Variants in SOX6 observed in about 807,000 individuals in gnomAD.
SOX6 encodes SRY-box transcription factor 6.
SOX6 carries 11 observed loss-of-function variants against 97.8 expected under a neutral mutation model. That is an observed-to-expected ratio of 0.11 (90% CI 0.07 to 0.19). SOX6 has a LOEUF of 0.19. SOX6 is among the 10% of genes least tolerant of loss of function. The pLI is 1.00. For synonymous variants in SOX6, 360 were observed against 371.4 expected, an observed-to-expected ratio of 0.97 and a Z score of 0.35; for missense variants, 810 against 1,039.5, an observed-to-expected ratio of 0.78 and a Z score of 3.04.
chr11:16,449,866 C>A (rs1307900031), intron 1 of SOX6, among the ~76,000 whole-genome samples: 1 of 152,142 alleles, frequency 6.6e-6, no homozygotes, highest in Non-Finnish European at 1.5e-5. Context: ...ACCAAAAATT[C>A]ATCAGAATAA....
At chr11:15,975,705 T>C (rs1012974840) in intron 15 of SOX6, among the ~76,000 whole-genome samples, 2 of 152,148 alleles carry the variant, frequency 1.3e-5, no homozygotes, top group Non-Finnish European at 2.9e-5. Context: ...CAATTAAGTT[T>C]CAGAAAATTC....
intron 3 of SOX6, among the ~76,000 whole-genome samples, chr11:16,689,533 C>T (rs1283636848): frequency 1.3e-5 from 2 of 152,238 alleles, no homozygotes; most frequent in Non-Finnish European, 1.5e-5. Context: ...AAGGTAGACC[C>T]GATGCCTACT....
intron 3 of SOX6, among the ~76,000 whole-genome samples, chr11:16,681,554 A>G (rs543686834): frequency 2.3e-4 from 35 of 152,334 alleles, no homozygotes; most frequent in Non-Finnish European, 4.3e-4. Flanking sequence ...AAAGACCTAG[A>G]GAAGCAAGAG....
At chr11:16,078,233 G>A (rs887567154) in intron 9 of SOX6, among the ~76,000 whole-genome samples, 1 of 152,070 alleles carries the variant, frequency 6.6e-6, no homozygotes, top group African/African-American at 2.4e-5. Flanking sequence ...CAAGTGGTAC[G>A]GCTTATATTT....
chr11:16,512,841 A>T (rs1452135334), intron 4 of SOX6, among the ~76,000 whole-genome samples: 1 of 152,234 alleles, frequency 6.6e-6, no homozygotes, highest in African/African-American at 2.4e-5. Flanking sequence ...AAAGGAAAAT[A>T]ACAAAACTAT....
At chr11:16,345,351 C>T (rs970150550) in intron 1 of SOX6, among the ~76,000 whole-genome samples, 9 of 152,058 alleles carry the variant, frequency 5.9e-5, no homozygotes, top group Non-Finnish European at 1.2e-4. Context: ...AAATTCCCAT[C>T]ATATGTTCCC....
chr11:16,558,348 T>G (rs1054665841), intron 4 of SOX6, among the ~76,000 whole-genome samples: 2 of 152,010 alleles, frequency 1.3e-5, no homozygotes, highest in Non-Finnish European at 2.9e-5. Flanking sequence ...CTGCTAAATA[T>G]TCTCCAGAAA....
At chr11:16,029,896 T>C (rs970848054) in intron 12 of SOX6, among the ~76,000 whole-genome samples, 2 of 152,164 alleles carry the variant, frequency 1.3e-5, no homozygotes, top group Non-Finnish European at 2.9e-5. Context: ...CTACTGCATA[T>C]ATTTGACACA....
intron 7 of SOX6, among the ~76,000 whole-genome samples, chr11:16,100,772 A>G (rs1848924762): frequency 6.6e-6 from 1 of 151,470 alleles, no homozygotes; most frequent in Non-Finnish European, 1.5e-5. Context: ...AAAAAAGCCA[A>G]AAATCCCATG....
chr11:16,158,616 G>A (rs1241501089), intron 6 of SOX6, among the ~76,000 whole-genome samples: 1 of 151,882 alleles, frequency 6.6e-6, no homozygotes, highest in Non-Finnish European at 1.5e-5. Context: ...GAAATTGTAG[G>A]CAAGGCTTCC....
At chr11:16,687,105 A>G (rs570699493) in intron 3 of SOX6, among the ~76,000 whole-genome samples, 117 of 152,236 alleles carry the variant, frequency 7.7e-4, no homozygotes, top group Admixed American at 2.0e-3. Context: ...AGCCTGGACA[A>G]CAGAAGAAGA....
chr11:16,132,342 GA>G (rs1295496459), intron 6 of SOX6, among the ~76,000 whole-genome samples: 1 of 21,224 alleles, frequency 4.7e-5, no homozygotes, highest in Non-Finnish European at 8.2e-5. Flanking sequence ...AAAGAAAAAA[GA>G]AAGAAAGAAA....
intron 3 of SOX6, among the ~76,000 whole-genome samples, chr11:16,303,472 T>C (rs1339172544): frequency 4.6e-5 from 7 of 152,242 alleles, no homozygotes; most frequent in Non-Finnish European, 8.8e-5. Flanking sequence ...TCCATTGATA[T>C]ATGTGACTAT....
intron 3 of SOX6, among the ~76,000 whole-genome samples, chr11:16,648,400 T>A (rs1292947645): frequency 6.6e-6 from 1 of 151,872 alleles, no homozygotes; most frequent in Non-Finnish European, 1.5e-5. Context: ...CACCTGATGG[T>A]ATTTCCCTAC....
intron 1 of SOX6, among the ~76,000 whole-genome samples, chr11:16,411,116 T>A (rs1858802171): frequency 6.6e-6 from 1 of 152,080 alleles, no homozygotes; most frequent in Admixed American, 6.6e-5. Context: ...GGTTGCAAAT[T>A]TGGGGTCATC....
intron 3 of SOX6, among the ~76,000 whole-genome samples, chr11:16,612,610 A>G (rs530658444): frequency 2.6e-5 from 4 of 151,986 alleles, no homozygotes; most frequent in Non-Finnish European, 4.4e-5. Flanking sequence ...GGGGATGGCG[A>G]TGAAGAAAAG....
chr11:16,350,885 T>A (rs7109376), intron 1 of SOX6, among the ~76,000 whole-genome samples: 43,793 of 151,996 alleles, frequency 0.29, 6,865 homozygotes, highest in African/African-American at 0.37. Context: ...ACTATGGGAA[T>A]GAGGGAGGAA....
In SOX6 at chr11:16,474,310, T is replaced by C. The variant is rs190958103; in HGVS notation, c.-5+2005A>G. 3.3e-4 allele frequency among the ~76,000 whole-genome samples: 50 copies of C among 152,326 alleles called. No homozygotes were observed. The East Asian group carries it at 7.7e-3, about 24-fold the overall frequency. Reference sequence around the variant, plus strand: ...CCCCATGAATCACAAACATTCTTAATGGTATCTAGAATGGTGACTCCTTCC... The same window carrying C: ...CCCCATGAATCACAAACATTCTTAACGGTATCTAGAATGGTGACTCCTTCC... On this transcript the variant is annotated intron_variant, in intron 1 of 15. Transcript: ENST00000396356.
chr11:16,023,240 T>C (rs376691257), intron 12 of SOX6: 1 of 152,002 alleles, frequency 6.6e-6, no homozygotes, highest in African/African-American at 2.4e-5. Flanking sequence ...AAATATATAT[T>C]ACAATTATTG....
Sources: allele counts gnomAD v4.1 joint callset (sites outside exome capture counted in the v4.1 genomes callset), GRCh38; gene constraint gnomAD v4.1.1; transcripts MANE v1.5; gene names NCBI Gene and HGNC (gene_info 2026-07-23, HGNC 2026-07-21).